Variants in TMEFF2 observed in about 807,000 individuals in gnomAD.
TMEFF2 encodes transmembrane protein with EGF like and two follistatin like domains 2, also known as tomoregulin-2.
TMEFF2 carries 28 observed loss-of-function variants against 53.8 expected under a neutral mutation model. The ratio of observed to expected loss-of-function variants is 0.52; its 90% CI spans 0.39 to 0.71. The LOEUF (loss-of-function observed/expected upper bound fraction) is 0.71. TMEFF2 is among the 30% of genes least tolerant of loss of function. TMEFF2 has a pLI of 0.00. For synonymous variants in TMEFF2, 162 were observed against 166.3 expected (o/e 0.97, Z 0.20); for missense variants, 353 against 455.2 (o/e 0.78, Z 2.04).
intron 7 of TMEFF2, among the ~76,000 whole-genome samples, chr2:191,980,930 C>T (rs1302909379): frequency 6.6e-6 from 1 of 152,070 alleles, no homozygotes; most frequent in Admixed American, 6.6e-5. Context: ...CTTTTATCTC[C>T]TAAATCCAAC....
intron 4 of TMEFF2, among the ~76,000 whole-genome samples, chr2:192,101,073 A>T (rs1375985981): frequency 6.6e-6 from 1 of 152,168 alleles, no homozygotes; most frequent in Non-Finnish European, 1.5e-5. Context: ...GAGCATTGCA[A>T]ACTGGATTTC....
intron 5 of TMEFF2, among the ~76,000 whole-genome samples, chr2:192,023,758 A>G (rs951433579): frequency 2.6e-5 from 4 of 152,146 alleles, no homozygotes; most frequent in Non-Finnish European, 5.9e-5. Context: ...CAGACACAGA[A>G]TTAAACTGGG....
intron 4 of TMEFF2, among the ~76,000 whole-genome samples, chr2:192,126,048 G>A (rs978961490): frequency 6.6e-6 from 1 of 152,096 alleles, no homozygotes; most frequent in African/African-American, 2.4e-5. Flanking sequence ...AGAAACAAAA[G>A]TTTGTTTTTT....
intron 4 of TMEFF2, among the ~76,000 whole-genome samples, chr2:192,138,130 A>G (rs890046815): frequency 9.2e-5 from 14 of 152,182 alleles, no homozygotes; most frequent in African/African-American, 2.2e-4. Flanking sequence ...CCTGAGTAAT[A>G]TATTTTTGAA....
At chr2:192,176,936 C>T (rs919059288) in intron 4 of TMEFF2, 2 of 151,040 alleles carry the variant, frequency 1.3e-5, no homozygotes, top group Non-Finnish European at 3.0e-5. Flanking sequence ...AAATGTTTTA[C>T]AAGTAAATTT....
At chr2:192,008,498 A>AT (rs1268330829) in intron 5 of TMEFF2, among the ~76,000 whole-genome samples, 1 of 152,200 alleles carries the variant, frequency 6.6e-6, no homozygotes, top group Non-Finnish European at 1.5e-5. Flanking sequence ...AAAATTCCTC[A>AT]TTAGCATCAT....
intron 8 of TMEFF2, among the ~76,000 whole-genome samples, chr2:191,955,524 ATTTTT>A (rs71405028): frequency 1.3e-4 from 8 of 60,292 alleles, no homozygotes; most frequent in South Asian, 1.8e-3. Flanking sequence ...CTAATTCTTA[ATTTTT>A]TTTTTTTTTT....
At chr2:191,983,006 G>T (rs1453340074) in intron 7 of TMEFF2, among the ~76,000 whole-genome samples, 1 of 152,154 alleles carries the variant, frequency 6.6e-6, no homozygotes, top group Non-Finnish European at 1.5e-5. Context: ...TGAAGCATGA[G>T]GGGACACCGA....
At chr2:192,126,336 A>G (rs1689678558) in intron 4 of TMEFF2, among the ~76,000 whole-genome samples, 1 of 152,230 alleles carries the variant, frequency 6.6e-6, no homozygotes, top group African/African-American at 2.4e-5. Context: ...TTCTATGGAA[A>G]TGCTTTTAAT....
chr2:192,189,563 A>AAAAAAAAAAAAAAAAAAAAAAG (rs75644653), intron 2 of TMEFF2, among the ~76,000 whole-genome samples: 1 of 149,946 alleles, frequency 6.7e-6, no homozygotes, highest in Non-Finnish European at 1.5e-5. Flanking sequence ...TCCAAAAAAA[A>AAAAAAAAAAAAAAAAAAAAAAG]AAAAAGGAAT....
intron 5 of TMEFF2, among the ~76,000 whole-genome samples, chr2:192,020,105 G>T (rs1686828203): frequency 6.6e-6 from 1 of 151,940 alleles, no homozygotes; most frequent in Non-Finnish European, 1.5e-5. Context: ...AGCTAAAAAA[G>T]AAATTGTTCT....
At chr2:192,093,742 T>C (rs1472655975) in intron 4 of TMEFF2, among the ~76,000 whole-genome samples, 1 of 152,050 alleles carries the variant, frequency 6.6e-6, no homozygotes, top group Non-Finnish European at 1.5e-5. Context: ...GCTGTGATTT[T>C]AGGGTTGAAA....
intron 4 of TMEFF2, among the ~76,000 whole-genome samples, chr2:192,153,405 A>G (rs1205281005): frequency 6.6e-6 from 1 of 151,756 alleles, no homozygotes; most frequent in East Asian, 1.9e-4. Flanking sequence ...CATACCTACC[A>G]ATTTATTGAT....
At chr2:192,072,588 AG>A (rs1188214525) in intron 4 of TMEFF2, among the ~76,000 whole-genome samples, 1 of 151,418 alleles carries the variant, frequency 6.6e-6, no homozygotes, top group Admixed American at 6.6e-5. Context: ...GATAAAATGA[AG>A]TTTTTTTCCC....
At chr2:192,122,060 A>G (rs1456858061) in intron 4 of TMEFF2, among the ~76,000 whole-genome samples, 3 of 152,176 alleles carry the variant, frequency 2.0e-5, no homozygotes, top group African/African-American at 7.2e-5. Context: ...AATATTCCCA[A>G]CTCAAAGAAA....
chr2:191,978,147 T>TC (rs1463606774), intron 7 of TMEFF2, among the ~76,000 whole-genome samples: 4 of 152,188 alleles, frequency 2.6e-5, no homozygotes, highest in African/African-American at 9.7e-5. Flanking sequence ...TTGTTTGGGT[T>TC]CCTTTAATAT....
intron 4 of TMEFF2, among the ~76,000 whole-genome samples, chr2:192,172,835 G>C (rs1690948793): frequency 6.6e-6 from 1 of 151,894 alleles, no homozygotes. Context: ...ATGATGTCTG[G>C]TATAGTTGTT....
chr2:192,019,752 G>T (rs912964473), intron 5 of TMEFF2, among the ~76,000 whole-genome samples: 8 of 151,882 alleles, frequency 5.3e-5, no homozygotes, highest in Admixed American at 3.3e-4. Flanking sequence ...GTGCTGGATG[G>T]TGATTCAATA....
chr2:192,092,007 G>T (rs552160143), intron 4 of TMEFF2, among the ~76,000 whole-genome samples: 1 of 151,930 alleles, frequency 6.6e-6, no homozygotes, highest in African/African-American at 2.4e-5. Context: ...TTCTTCATCA[G>T]AAACTTAAAC....
Sources: allele counts gnomAD v4.1 joint callset (sites outside exome capture counted in the v4.1 genomes callset), GRCh38; gene constraint gnomAD v4.1.1; transcripts MANE v1.5; gene names NCBI Gene and HGNC (gene_info 2026-07-23, HGNC 2026-07-21).